Variants in PFKM observed in about 807,000 individuals in gnomAD.
PFKM encodes the protein phosphofructokinase, muscle.
Under a neutral mutation model 95.5 loss-of-function variants are expected in PFKM, and 58 were observed. The ratio of observed to expected loss-of-function variants is 0.61; its 90% confidence interval spans 0.49 to 0.76. The LOEUF (loss-of-function observed/expected upper bound fraction) is 0.76. PFKM is among the 30% of genes least tolerant of loss of function. PFKM has a pLI of 0.00. For synonymous variants in PFKM, 336 were observed against 357.2 expected, an observed-to-expected ratio of 0.94 and a Z score of 0.67; for missense variants, 678 against 1,005.4, an observed-to-expected ratio of 0.67 and a Z score of 4.40.
chr12:48,125,333 C>T (rs1167370127), intron 2 of PFKM: 11 of 448,490 alleles, frequency 2.5e-5, no homozygotes, highest in Non-Finnish European at 3.6e-5. Flanking sequence ...AGAGATGGGA[C>T]GGGATCGGCC....
At chr12:48,127,603 A>G (rs1389925456) in intron 2 of PFKM, among the ~76,000 whole-genome samples, 1 of 151,978 alleles carries the variant, frequency 6.6e-6, no homozygotes, top group East Asian at 1.9e-4. Context: ...CCCAAATGCT[A>G]CTCTTCCAGT....
intron 2 of PFKM, among the ~76,000 whole-genome samples, chr12:48,123,274 C>G (rs1379361391): frequency 6.6e-6 from 1 of 152,170 alleles, no homozygotes; most frequent in Non-Finnish European, 1.5e-5. Context: ...GGTATTAACT[C>G]TGATGTCTGG....
upstream of PFKM, chr12:48,118,548 C>T (rs11168414): frequency 0.2 from 297,013 of 1,508,374 alleles, 31,220 homozygotes; most frequent in East Asian, 0.22. Flanking sequence ...AGAGGAGACC[C>T]GACTGTGGAG....
rs2135975652 is a variant in PFKM at position 48,139,291 on chromosome 12, G to C, written c.1069G>C (p.Asp357His). Residue 357 changes from aspartate to histidine, a missense_variant, in exon 12 of 23, where the codon GAT (aspartate) becomes CAT (histidine). Physicochemically the swap from Asp to His is moderately conservative, Grantham distance 81. Transcript: ENST00000359794. Reference protein sequence around the residue: ...PLMECVQVTKDVTKAMDEKKF... With the variant: ...PLMECVQVTKHVTKAMDEKKF... ...CGCTGTGCTCCCCCCTCAGACCAAA[G>C]ATGTGACCAAGGCCATGGATGAGAA... The C allele has an allele frequency of 6.2e-7, 1 of 1,613,588 alleles. No individual in the cohort carries two copies. Among genetic ancestry groups the C allele is most frequent in the Non-Finnish European group, 8.5e-7 (1 of 1,179,692 alleles).
chr12:48,130,263 T>C lies in PFKM; in HGVS notation c.86-100T>C. 4 of 817,234 alleles carry C rather than the reference T, an allele frequency of 4.9e-6. No homozygotes were observed. The South Asian group carries it at 5.3e-5, about 11-fold the overall frequency. The allele number at this position is 817,234 out of a possible 1,614,324, so 50.6% of individuals were successfully genotyped here. Reference sequence around the variant, plus strand: ...GATTCAGAGAAAAGACTAAATAAAGTACTGATTCGTTATCTTTAGCCAAAT... The same window carrying C: ...GATTCAGAGAAAAGACTAAATAAAGCACTGATTCGTTATCTTTAGCCAAAT... On this transcript the variant is annotated intron_variant, in intron 2 of 22. Coordinates refer to ENST00000359794, the MANE Select transcript of PFKM (RefSeq NM_000289.6).
At chr12:48,137,908 G>T in intron 11 of PFKM, 62 bp downstream of exon 11, 1 of 1,584,540 alleles carries the variant, frequency 6.3e-7, no homozygotes, top group Non-Finnish European at 8.7e-7. Context: ...GAGCTCAAGG[G>T]GCATGAGACT....
At chr12:48,139,719 C>A in intron 12 of PFKM, 130 bp from the exon 13 acceptor site, 1 of 731,740 alleles carries the variant, frequency 1.4e-6, no homozygotes, top group East Asian at 2.6e-5. Flanking sequence ...CTGCTCTGCC[C>A]CAGTTCTGTC....
Position 48,132,958 on chromosome 12 carries a change from A to T in PFKM, c.328A>T (p.Ile110Phe). ...TGCCTACAACCTGGTGAAGCGTGGG[A>T]TCACCAATCTCTGTGTCATTGGGGG... ...RAAYNLVKRGITNLCVIGGDG... is the reference protein window; with the variant it reads ...RAAYNLVKRGFTNLCVIGGDG... The change falls in exon 5 of 23, where the codon ATC becomes TTC. Residue 110 changes from isoleucine (I) to phenylalanine (F), a missense_variant. By Grantham distance (21) the Ile-to-Phe change is conservative. Transcript: ENST00000359794. 6.2e-7 allele frequency: 1 copy of T among 1,613,992 alleles called. No individual in the cohort carries two copies. The highest frequency in any genetic ancestry group is 8.5e-7 in the Non-Finnish European group (1 of 1,179,868).
At chr12:48,118,081 A>G (rs544236018), upstream of PFKM, among the ~76,000 whole-genome samples, 5 of 152,320 alleles carry the variant, frequency 3.3e-5, no homozygotes, top group Admixed American at 6.5e-5. Flanking sequence ...AATAGATTGT[A>G]AATGTTTCTT....
chr12:48,113,755 C>G (rs2137637798), intron 3 of PFKM, among the ~76,000 whole-genome samples: 1 of 152,292 alleles, frequency 6.6e-6, no homozygotes, highest in South Asian at 2.1e-4. Flanking sequence ...TATTGTACAC[C>G]TTGAAGGCAA....
At chr12:48,116,380 C>T (rs1047892385), upstream of PFKM, among the ~76,000 whole-genome samples, 1 of 152,012 alleles carries the variant, frequency 6.6e-6, no homozygotes, top group African/African-American at 2.4e-5. Flanking sequence ...TTTTGATTTG[C>T]ATTGCCCTAA....
At position 48,137,784 on chromosome 12, in the gene PFKM, T is replaced by C. The variant is rs747997100; in HGVS notation, c.1000T>C (p.Cys334Arg). 6.2e-7 allele frequency: 1 copy of C among 1,613,964 alleles called. No homozygotes were observed. The highest frequency in any genetic ancestry group is 1.3e-5 in the African/African-American group (1 of 74,928). ...GGAGGGGACCCCAGATACCCCAGCC[T>C]GTGTAGTGAGCCTCTCTGGTAACCA... ...LLEGTPDTPACVVSLSGNQAV... is the reference protein window; with the variant it reads ...LLEGTPDTPARVVSLSGNQAV... The change falls in exon 11 of 23, where the codon TGT becomes CGT. Residue 334 changes from cysteine (C) to arginine (R), a missense_variant. Physicochemically the swap from Cys to Arg is radical, Grantham distance 180. Transcript: ENST00000359794.
exon 2 of PFKM, chr12:48,107,420 A>T: frequency 6.3e-7 from 1 of 1,598,826 alleles, no homozygotes; most frequent in Non-Finnish European, 8.5e-7. Context: ...TGTGTGATTC[A>T]GTCTCGCCAG....
chr12:48,140,051 G>A, intron 13 of PFKM, 139 bp downstream of exon 13: 1 of 667,482 alleles, frequency 1.5e-6, no homozygotes, highest in East Asian at 2.8e-5. Flanking sequence ...TGGGTCCCTG[G>A]CCCTATTATA....
At position 48,133,308 on chromosome 12, in the gene PFKM, T is replaced by C; in HGVS notation, c.428-7T>C. The stretch of plus-strand genomic sequence containing the variant: ...CCAGTGGCTCCTGGTTTGCTTCTCA[T>C]TGTCAGGTAAGATCACAGATGAGGA... On this transcript the variant is annotated splice_region_variant and splice_polypyrimidine_tract_variant and intron_variant, in intron 5 of 22. Coordinates refer to ENST00000359794, the MANE Select transcript of PFKM (RefSeq NM_000289.6). The C allele has an allele frequency of 1.9e-6, 3 of 1,613,860 alleles. No homozygotes were observed. Among genetic ancestry groups the C allele is most frequent in the Non-Finnish European group, 2.5e-6 (3 of 1,179,748 alleles).
rs763214745 is a variant in PFKM at position 48,132,950 on chromosome 12, A to G, written c.320A>G (p.Lys107Arg). 9 of 1,613,960 alleles carry G rather than the reference A, an allele frequency of 5.6e-6. No homozygotes were observed. The Admixed American group carries it at 1.2e-4, about 21-fold the overall frequency. ...CTCCGAGCTGCCTACAACCTGGTGA[A>G]GCGTGGGATCACCAATCTCTGTGTC... ...GRLRAAYNLVKRGITNLCVIG... is the reference protein window; with the variant it reads ...GRLRAAYNLVRRGITNLCVIG... The change falls in exon 5 of 23, where the codon AAG becomes AGG. Residue 107 changes from lysine (K) to arginine (R), a missense_variant. Coordinates refer to ENST00000359794, the MANE Select transcript of PFKM (RefSeq NM_000289.6).
intron 1 of PFKM, chr12:48,107,254 A>G (rs780175503): frequency 1.4e-6 from 1 of 697,494 alleles, no homozygotes; most frequent in Non-Finnish European, 2.6e-6. Flanking sequence ...TTTATATTAT[A>G]TTGTCAAGTC....
chr12:48,112,000 C>T (rs990862554), intron 3 of PFKM, among the ~76,000 whole-genome samples: 6 of 152,136 alleles, frequency 3.9e-5, no homozygotes, highest in Admixed American at 6.5e-5. Context: ...CAGCGGCAGC[C>T]GCTGCACAGA....
At chr12:48,105,856 A>C, upstream of PFKM, 1 of 602,334 alleles carries the variant, frequency 1.7e-6, no homozygotes, top group South Asian at 2.0e-5. Flanking sequence ...ACCGGACAGC[A>C]GGGGGGAGGG....
Sources: gnomAD v4.1 joint callset for allele counts (sites outside exome capture counted in the v4.1 genomes callset) on GRCh38, gnomAD v4.1.1 for gene constraint, MANE v1.5 for transcripts, NCBI Gene and HGNC (gene_info 2026-07-23, HGNC 2026-07-21) for gene names.